The following AKAP13 variants were observed in gnomAD, a reference collection of about 807,000 sequenced individuals.
AKAP13 encodes A-kinase anchor protein 13.
AKAP13 carries 80 observed loss-of-function variants against 264.5 expected under a neutral mutation model. The ratio of observed to expected loss-of-function variants is 0.30; its 90% confidence interval spans 0.25 to 0.36. AKAP13 has a LOEUF of 0.36. AKAP13 is among the 10% of genes least tolerant of loss of function. The pLI is 1.00. For synonymous variants in AKAP13, 1,380 were observed against 1,250.2 expected (o/e 1.10, Z -2.19); for missense variants, 3,712 against 3,435.2 (o/e 1.08, Z -2.01).
intron 5 of AKAP13, among the ~76,000 whole-genome samples, chr15:85,561,338 G>C (rs1407558673): frequency 1.3e-5 from 2 of 152,170 alleles, no homozygotes. Flanking sequence ...GATTACAGGC[G>C]TGAGCCACCA....
chr15:85,644,233 CTTT>C (rs72138055), intron 9 of AKAP13, among the ~76,000 whole-genome samples: 3 of 86,140 alleles, frequency 3.5e-5, no homozygotes, highest in Non-Finnish European at 2.6e-5. Context: ...CTTTTATCTT[CTTT>C]TTTTTTTTTT....
At chr15:85,521,048 T>A (rs778201861) in intron 2 of AKAP13, among the ~76,000 whole-genome samples, 14 of 152,210 alleles carry the variant, frequency 9.2e-5, no homozygotes, top group African/African-American at 3.4e-4. Flanking sequence ...ATGTGATCAT[T>A]TATTATACCC....
intron 1 of AKAP13, among the ~76,000 whole-genome samples, chr15:85,476,037 A>G (rs1273024542): frequency 6.6e-6 from 1 of 152,150 alleles, no homozygotes; most frequent in African/African-American, 2.4e-5. Context: ...AAAATAGAAG[A>G]TAGTATTTGA....
At chr15:85,541,590 T>G (rs533245961) in intron 4 of AKAP13, among the ~76,000 whole-genome samples, 1 of 152,248 alleles carries the variant, frequency 6.6e-6, no homozygotes, top group Non-Finnish European at 1.5e-5. Context: ...AAAAGGTTTT[T>G]TGTTTGTTTG....
At chr15:85,681,656 C>T (rs946346026) in intron 14 of AKAP13, among the ~76,000 whole-genome samples, 3 of 147,408 alleles carry the variant, frequency 2.0e-5, no homozygotes, top group Admixed American at 6.7e-5. Context: ...CTTGATAAGC[C>T]AGCTCTGATG....
At chr15:85,431,072 G>A (rs72754503) in intron 1 of AKAP13, among the ~76,000 whole-genome samples, 2,919 of 152,268 alleles carry the variant, frequency 0.019, 78 homozygotes, top group Non-Finnish European at 0.027. Context: ...TGCATAATCA[G>A]TTAGCATTTT....
intron 14 of AKAP13, among the ~76,000 whole-genome samples, chr15:85,676,062 C>G (rs2084211393): frequency 6.6e-6 from 1 of 152,146 alleles, no homozygotes; most frequent in Non-Finnish European, 1.5e-5. Flanking sequence ...CAGGTGCCCA[C>G]CACTATGCCC....
In AKAP13 at chr15:85,693,476, G is replaced by A. The variant is rs9944183; in HGVS notation, c.5464+25G>A. ...AGTAAGAGACATGCTTCTTCCTCTC[G>A]TAAGATGGAACTCTCTTGGCTCAAG... On this transcript the variant is annotated intron_variant, in intron 17 of 36. Coordinates refer to ENST00000394518, the MANE Select transcript of AKAP13 (RefSeq NM_007200.5). 1,723 of 1,607,708 alleles carry A rather than the reference G, an allele frequency of 1.1e-3. 8 individuals carry two copies. In the African/African-American group the frequency reaches 0.012, roughly 11 times the overall value.
chr15:85,446,852 G>A (rs2073918331), intron 1 of AKAP13, among the ~76,000 whole-genome samples: 1 of 152,002 alleles, frequency 6.6e-6, no homozygotes, highest in Non-Finnish European at 1.5e-5. Context: ...TAAATAAATG[G>A]TGTGCTCTTA....
intron 4 of AKAP13, among the ~76,000 whole-genome samples, chr15:85,541,315 A>G (rs1440308251): frequency 2.6e-5 from 4 of 152,218 alleles, no homozygotes; most frequent in Non-Finnish European, 4.4e-5. Context: ...CGATGGGGAA[A>G]TAGAAGGAAG....
At chr15:85,407,966 C>T (rs1033389405) in intron 1 of AKAP13, among the ~76,000 whole-genome samples, 2 of 151,600 alleles carry the variant, frequency 1.3e-5, no homozygotes, top group African/African-American at 2.4e-5. Context: ...GCCAGCAGAT[C>T]TAATGGACAT....
In AKAP13 at chr15:85,723,241, T is replaced by A; in HGVS notation, c.6666T>A (p.Phe2222Leu). 1 of 1,614,166 alleles carries A rather than the reference T, an allele frequency of 6.2e-7. No individual in the cohort carries two copies. Among genetic ancestry groups the A allele is most frequent in the East Asian group, 2.2e-5 (1 of 44,888 alleles). The change falls in exon 26 of 37, where the codon TTT (phenylalanine) becomes TTA (leucine). Residue 2222 changes from phenylalanine to leucine, a missense_variant. Transcript: ENST00000394518. The stretch of plus-strand genomic sequence containing the variant: ...TGAGGATGAAGAGTGGTCAGATGTT[T>A]GCCAAGGAAGATTTGAAACGGAAGA... ...SIMRMKSGQM[F>L]AKEDLKRKKL...
chr15:85,738,129 G>A (rs1043875096), intron 33 of AKAP13, among the ~76,000 whole-genome samples: 2 of 152,126 alleles, frequency 1.3e-5, no homozygotes, highest in Non-Finnish European at 2.9e-5. Flanking sequence ...CGGGCTCGGT[G>A]GCTCACGCCT....
rs2087502670 is a variant in AKAP13, at chr15:85,724,733, T to C, written c.6745+1413T>C. Among the ~76,000 whole-genome samples the C allele has an allele frequency of 6.6e-6, 1 of 151,642 alleles. No individual in the cohort carries two copies. The highest frequency in any genetic ancestry group is 1.5e-5 in the Non-Finnish European group (1 of 67,958). On this transcript the variant is annotated intron_variant, in intron 26 of 36. Transcript: ENST00000394518. The surrounding 1 kb of genome is among the most constrained non-coding windows in gnomAD (Gnocchi z 4.2). ...TTCAGTATGACAACTAGGGGCAGTTTAGAGTGCAGCTGGAGTGAAGAGAGA... is the reference window on the plus strand; with the variant it reads ...TTCAGTATGACAACTAGGGGCAGTTCAGAGTGCAGCTGGAGTGAAGAGAGA...
intron 1 of AKAP13, among the ~76,000 whole-genome samples, chr15:85,425,618 A>C (rs2072740847): frequency 6.6e-6 from 1 of 151,514 alleles, no homozygotes; most frequent in South Asian, 2.1e-4. Context: ...CGGGAGGCTG[A>C]GGCAGGAGAA....
chr15:85,695,303 C>G (rs775925333), intron 17 of AKAP13, among the ~76,000 whole-genome samples: 1 of 152,256 alleles, frequency 6.6e-6, no homozygotes, highest in Middle Eastern at 3.4e-3. Flanking sequence ...ACTCGGGAGG[C>G]TGAGGCAGGA....
At chr15:85,576,008 T>C (rs1321205300) in intron 6 of AKAP13, among the ~76,000 whole-genome samples, 1 of 152,160 alleles carries the variant, frequency 6.6e-6, no homozygotes, top group Non-Finnish European at 1.5e-5. Flanking sequence ...AGAAGGACTT[T>C]CCCCAAAGAT....
intron 7 of AKAP13, chr15:85,583,139 C>T: frequency 1.0e-6 from 1 of 985,452 alleles, no homozygotes; most frequent in Non-Finnish European, 1.2e-6. Flanking sequence ...AGACCTATCT[C>T]CATGCTTGCC....
intron 29 of AKAP13, among the ~76,000 whole-genome samples, chr15:85,728,821 G>A (rs562483163): frequency 9.9e-5 from 15 of 152,036 alleles, no homozygotes; most frequent in Non-Finnish European, 1.9e-4. Context: ...GGTATTAAAA[G>A]GCAACAAGGG....
Sources: gnomAD v4.1 joint callset for allele counts (sites outside exome capture counted in the v4.1 genomes callset) on GRCh38, gnomAD v4.1.1 for gene constraint, Gnocchi (gnomAD v3.1) non-coding constraint, MANE v1.5 for transcripts, NCBI Gene and HGNC (gene_info 2026-07-23, HGNC 2026-07-21) for gene names.